AUTS2: variants seen among roughly 807,000 people sequenced by gnomAD.
AUTS2 encodes autism susceptibility gene 2 protein.
A neutral mutation model predicts 112.4 loss-of-function variants in AUTS2; 17 were observed. The ratio of observed to expected loss-of-function variants is 0.15; its 90% CI spans 0.10 to 0.23. The LOEUF (loss-of-function observed/expected upper bound fraction) is 0.23. Among genes scored for constraint, AUTS2 ranks in the 10% least tolerant of loss-of-function variants. The probability of loss-of-function intolerance (pLI) is 1.00; values close to 1 mark genes in which losing one functional copy is unlikely to be tolerated. For synonymous variants in AUTS2, 751 were observed against 702.7 expected (o/e 1.07, Z -1.09); for missense variants, 1,510 against 1,701.6 (o/e 0.89, Z 1.98).
At chr7:70,735,737 T>G (rs1470183879) in intron 6 of AUTS2, among the ~76,000 whole-genome samples, 2 of 152,102 alleles carry the variant, frequency 1.3e-5, no homozygotes, top group East Asian at 1.9e-4. Flanking sequence ...GTTATTAGAA[T>G]GCTTGTTAAG....
chr7:70,379,684 A>G (rs1292083238), intron 4 of AUTS2, among the ~76,000 whole-genome samples: 1 of 152,170 alleles, frequency 6.6e-6, no homozygotes, highest in Non-Finnish European at 1.5e-5. Context: ...GTCAACAGAA[A>G]TATTCAAATA....
rs372317843 is a variant in AUTS2 at position 69,759,919 on chromosome 7, A to G, written c.310-139367A>G. On this transcript the variant is annotated intron_variant, in intron 1 of 18. Coordinates refer to ENST00000342771, the MANE Select transcript of AUTS2 (RefSeq NM_015570.4). ...TCTTCTGTCCTCTAGAAGATCCCGTACAAATAGAGGCTTTAATTTATGCTT... is the reference window on the plus strand; with the variant it reads ...TCTTCTGTCCTCTAGAAGATCCCGTGCAAATAGAGGCTTTAATTTATGCTT... 1.4e-4 allele frequency among the ~76,000 whole-genome samples: 21 copies of G among 151,930 alleles called. No homozygotes were observed. The East Asian group carries it at 1.9e-3, about 14-fold the overall frequency.
chr7:70,070,877 G>GAA (rs549466401), intron 2 of AUTS2, among the ~76,000 whole-genome samples: 1,197 of 100,892 alleles, frequency 0.012, 22 homozygotes, highest in African/African-American at 0.039. Context: ...GACTCCATCT[G>GAA]AAAAAAAAAA....
intron 5 of AUTS2, among the ~76,000 whole-genome samples, chr7:70,459,360 T>C (rs1796870829): frequency 6.6e-6 from 1 of 152,196 alleles, no homozygotes; most frequent in African/African-American, 2.4e-5. Context: ...ATGGAAGGTG[T>C]TTGGTTTCCA....
chr7:70,722,554 C>T (rs1786758185), intron 6 of AUTS2, among the ~76,000 whole-genome samples: 1 of 152,200 alleles, frequency 6.6e-6, no homozygotes, highest in Non-Finnish European at 1.5e-5. Context: ...CTGGAACTGG[C>T]GAACTGCTTA....
At chr7:69,711,831 G>C (rs1438552122) in intron 1 of AUTS2, among the ~76,000 whole-genome samples, 1 of 152,124 alleles carries the variant, frequency 6.6e-6, no homozygotes, top group Non-Finnish European at 1.5e-5. Flanking sequence ...ACATTTGTGT[G>C]TAATATGTGG....
chr7:70,791,064 A>G lies in AUTS2; in HGVS notation c.*68A>G, dbSNP rs549811182. 8.5e-6 allele frequency: 12 copies of G among 1,408,812 alleles called. No individual in the cohort carries two copies. In the African/African-American group the frequency reaches 1.2e-4, roughly 14 times the overall value. The allele number at this position is 1,408,812 out of a possible 1,614,324, so 87.3% of individuals were successfully genotyped here. A position where few individuals can be genotyped will look rare whatever the true frequency, so the allele number is the denominator to read the frequency against. On this transcript the variant is annotated 3_prime_UTR_variant, in exon 19 of 19. Coordinates refer to ENST00000342771, the MANE Select transcript of AUTS2 (RefSeq NM_015570.4). The stretch of plus-strand genomic sequence containing the variant: ...AGACACCAGGCCAGGCTTGAGAGAC[A>G]GAACTCCTGCATGGCTCACACAGAC...
intron 5 of AUTS2, among the ~76,000 whole-genome samples, chr7:70,592,553 G>A (rs921789372): frequency 1.3e-5 from 2 of 151,952 alleles, no homozygotes; most frequent in African/African-American, 4.8e-5. Context: ...GTAGATATGA[G>A]GTATCACCAT....
intron 5 of AUTS2, among the ~76,000 whole-genome samples, chr7:70,550,281 A>C (rs1444918709): frequency 6.6e-6 from 1 of 152,176 alleles, no homozygotes; most frequent in African/African-American, 2.4e-5. Context: ...AATCAGATTC[A>C]AGTACAATGC....
At chr7:70,156,450 A>G (rs1445711859) in intron 4 of AUTS2, among the ~76,000 whole-genome samples, 1 of 152,074 alleles carries the variant, frequency 6.6e-6, no homozygotes, top group African/African-American at 2.4e-5. Context: ...ATAATCCCAA[A>G]TCCCCACTTT....
chr7:69,730,678 T>A (rs1786754796), intron 1 of AUTS2, among the ~76,000 whole-genome samples: 1 of 152,210 alleles, frequency 6.6e-6, no homozygotes, highest in South Asian at 2.1e-4. Context: ...TCTTAAGCAC[T>A]GTTAAGAACT....
At chr7:70,167,195 C>G (rs1808429030) in intron 4 of AUTS2, among the ~76,000 whole-genome samples, 1 of 152,162 alleles carries the variant, frequency 6.6e-6, no homozygotes, top group African/African-American at 2.4e-5. Context: ...CACTGCACTC[C>G]AGCCTGGATG....
intron 2 of AUTS2, among the ~76,000 whole-genome samples, chr7:69,985,547 C>G (rs932902407): frequency 6.6e-6 from 1 of 152,208 alleles, no homozygotes; most frequent in African/African-American, 2.4e-5. Context: ...AATCCAAATA[C>G]TTGGTCATGG....
chr7:70,693,400 G>C (rs1808859118), intron 5 of AUTS2, among the ~76,000 whole-genome samples: 1 of 152,196 alleles, frequency 6.6e-6, no homozygotes, highest in Non-Finnish European at 1.5e-5. Context: ...GAAGCAACAG[G>C]CTCCACTTTT....
At chr7:70,687,598 T>G (rs1198419785) in intron 5 of AUTS2, among the ~76,000 whole-genome samples, 1 of 152,264 alleles carries the variant, frequency 6.6e-6, no homozygotes, top group African/African-American at 2.4e-5. Flanking sequence ...GTATGCATCA[T>G]AAACTAATCC....
chr7:70,511,475 C>T (rs1465734396), intron 5 of AUTS2, among the ~76,000 whole-genome samples: 3 of 151,384 alleles, frequency 2.0e-5, no homozygotes, highest in Non-Finnish European at 4.4e-5. Flanking sequence ...CCCAGTTTCC[C>T]TGGGACAGCC....
intron 4 of AUTS2, among the ~76,000 whole-genome samples, chr7:70,355,020 G>T (rs1791934580): frequency 6.7e-6 from 1 of 150,306 alleles, no homozygotes; most frequent in South Asian, 2.1e-4. Context: ...ATGTATGTGT[G>T]TGTGTATGGG....
intron 5 of AUTS2, among the ~76,000 whole-genome samples, chr7:70,513,698 T>C (rs1370799313): frequency 1.3e-5 from 2 of 151,390 alleles, no homozygotes; most frequent in Non-Finnish European, 2.9e-5. Context: ...GGAGTCACTG[T>C]TGCTCAGGCT....
chr7:69,929,925 A>G (rs189011393), intron 2 of AUTS2, among the ~76,000 whole-genome samples: 388 of 152,240 alleles, frequency 2.5e-3, no homozygotes, highest in Non-Finnish European at 4.7e-3. Context: ...GTTGGATGCT[A>G]GGTATTTTGG....
Sources: allele counts gnomAD v4.1 joint callset (sites outside exome capture counted in the v4.1 genomes callset), GRCh38; gene constraint gnomAD v4.1.1; transcripts MANE v1.5; gene names NCBI Gene and HGNC (gene_info 2026-07-23, HGNC 2026-07-21).